WNK2: variants seen among roughly 807,000 people sequenced by gnomAD.
WNK2 encodes serine/threonine-protein kinase WNK2.
Under a neutral mutation model 192.1 loss-of-function variants are expected in WNK2, and 67 were observed. That is an observed-to-expected ratio of 0.35 (90% CI 0.29 to 0.43). The LOEUF (loss-of-function observed/expected upper bound fraction) is 0.43. WNK2 is among the 20% of genes least tolerant of loss of function. The probability of loss-of-function intolerance (pLI) is 1.00; values close to 1 mark genes in which losing one functional copy is unlikely to be tolerated. For missense variants in WNK2, 2,698 were observed against 3,089.7 expected (o/e 0.87, Z 3.01); for synonymous variants, 1,439 against 1,393.9 (o/e 1.03, Z -0.72).
At chr9:93,222,197 C>T (rs2131825468) in intron 2 of WNK2, among the ~76,000 whole-genome samples, 1 of 152,138 alleles carries the variant, frequency 6.6e-6, no homozygotes, top group South Asian at 2.1e-4. Flanking sequence ...GAGGCAGGGT[C>T]TTGCTCTGTG....
intron 2 of WNK2, among the ~76,000 whole-genome samples, chr9:93,215,330 G>A (rs1248623712): frequency 1.3e-4 from 20 of 152,048 alleles, no homozygotes; most frequent in African/African-American, 1.9e-4. Flanking sequence ...GGCTGGTCTC[G>A]AACTCCTGAC....
intron 7 of WNK2, among the ~76,000 whole-genome samples, chr9:93,245,730 C>T (rs1841569748): frequency 6.6e-6 from 1 of 152,208 alleles, no homozygotes; most frequent in South Asian, 2.1e-4. Flanking sequence ...CTCAATGGGT[C>T]CTGCTCCACA....
At chr9:93,273,005 T>G (rs1031992739) in intron 19 of WNK2, among the ~76,000 whole-genome samples, 2 of 152,138 alleles carry the variant, frequency 1.3e-5, no homozygotes, top group Non-Finnish European at 2.9e-5. Flanking sequence ...ACAATACTGA[T>G]GAACTGAAAG....
At position 93,266,945 on chromosome 9, in the gene WNK2, T is replaced by A. The variant is rs1319827187; in HGVS notation, c.3697-801T>A. 3.3e-5 allele frequency: 5 copies of A among 152,266 alleles called. No individual in the cohort carries two copies. In the East Asian group the frequency reaches 9.6e-4, roughly 29 times the overall value. The allele number at this position is 152,266 out of a possible 1,614,324, so 9.4% of individuals were successfully genotyped here. A position where few individuals can be genotyped will look rare whatever the true frequency, so the allele number is the denominator to read the frequency against. Reference sequence around the variant, plus strand: ...CACTGGGTGGTGGCACAGGCTGACCTCTTCCATTGGTTATGGTTTTATGAG... The same window carrying A: ...CACTGGGTGGTGGCACAGGCTGACCACTTCCATTGGTTATGGTTTTATGAG... On this transcript the variant is annotated intron_variant, in intron 16 of 29. Transcript: ENST00000427277.
chr9:93,320,420 C>T lies in WNK2; in HGVS notation c.*28C>T, dbSNP rs770245692. On this transcript the variant is annotated 3_prime_UTR_variant, in exon 30 of 30. Coordinates refer to ENST00000427277, the MANE Select transcript of WNK2 (RefSeq NM_006648.4). ...CCGCCTAGACGCCAGGCCCACTTCACGCCGTCTAAGTGGAGAAGTGACGGA... is the reference window on the plus strand; with the variant it reads ...CCGCCTAGACGCCAGGCCCACTTCATGCCGTCTAAGTGGAGAAGTGACGGA... 8.8e-6 allele frequency: 12 copies of T among 1,367,536 alleles called. No individual in the cohort carries two copies. Among genetic ancestry groups the T allele is most frequent in the South Asian group, 2.3e-5 (2 of 88,060 alleles). The allele number at this position is 1,367,536 out of a possible 1,614,324, so 84.7% of individuals were successfully genotyped here. A position where few individuals can be genotyped will look rare whatever the true frequency, so the allele number is the denominator to read the frequency against.
intron 2 of WNK2, among the ~76,000 whole-genome samples, chr9:93,225,968 C>T (rs1344568228): frequency 6.7e-6 from 1 of 150,374 alleles, no homozygotes; most frequent in Non-Finnish European, 1.5e-5. Flanking sequence ...GTTGTGGAAA[C>T]ATTTCTTCCA....
chr9:93,238,161 C>A, intron 5 of WNK2, 72 bp from the exon 6 acceptor site: 1 of 1,351,888 alleles, frequency 7.4e-7, no homozygotes, highest in Non-Finnish European at 1.1e-6. Flanking sequence ...AGTGGGAGTT[C>A]CTCCCACTGT....
chr9:93,193,973 C>T (rs1391532018), intron 2 of WNK2, among the ~76,000 whole-genome samples: 3 of 152,256 alleles, frequency 2.0e-5, no homozygotes, highest in African/African-American at 2.4e-5. Context: ...GTCAACTGAT[C>T]TCTGACAAAG....
rs1049789138 is a variant in WNK2, at chr9:93,239,484, T to C, written c.1323-273T>C. Reference sequence around the variant, plus strand: ...TGCATAATGGGAGGCCTAATGTTTTTCCAAATCCTCTTTTGTATCATTGAA... The same window carrying C: ...TGCATAATGGGAGGCCTAATGTTTTCCCAAATCCTCTTTTGTATCATTGAA... On this transcript the variant is annotated intron_variant, in intron 6 of 29. Coordinates refer to ENST00000427277, the MANE Select transcript of WNK2 (RefSeq NM_006648.4). This position sits in a 1 kb window ranked among gnomAD's most constrained non-coding sequence, Gnocchi z 4.2. 2.0e-5 allele frequency among the ~76,000 whole-genome samples: 3 copies of C among 152,228 alleles called. No individual in the cohort carries two copies. Among genetic ancestry groups the C allele is most frequent in the African/African-American group, 7.2e-5 (3 of 41,472 alleles).
At chr9:93,223,676 C>T (rs982330061) in intron 2 of WNK2, among the ~76,000 whole-genome samples, 4 of 152,210 alleles carry the variant, frequency 2.6e-5, no homozygotes, top group Admixed American at 6.5e-5. Context: ...ACCCTCTCTC[C>T]ACTTTGTGGT....
At chr9:93,264,163 G>A in intron 16 of WNK2, 130 bp downstream of exon 16, 1 of 699,538 alleles carries the variant, frequency 1.4e-6, no homozygotes, top group Non-Finnish European at 2.5e-6. Flanking sequence ...GGCTTTTCGG[G>A]ACAGTGCTGA....
At position 93,259,387 on chromosome 9, in the gene WNK2, C is replaced by A; in HGVS notation, c.2839C>A (p.Gln947Lys). 5 of 1,608,646 alleles carry A rather than the reference C, an allele frequency of 3.1e-6. No homozygotes were observed. Among genetic ancestry groups the A allele is most frequent in the Middle Eastern group, 1.7e-4 (1 of 6,060 alleles). The change falls in exon 12 of 30, where the codon CAA becomes AAA. Residue 947 changes from glutamine (Q) to lysine (K), a missense_variant. Transcript: ENST00000427277. This position sits in a 1 kb window ranked among gnomAD's most constrained non-coding sequence, Gnocchi z 4.8. ...ATPPQPALPPQPTLPPQPVLP... is the reference protein window; with the variant it reads ...ATPPQPALPPKPTLPPQPVLP... ...CCCTCCACAGCCGGCACTGCCTCCA[C>A]AACCCACACTGCCCCCACAACCCGT...
chr9:93,299,356 C>G, intron 25 of WNK2, 95 bp downstream of exon 25: 1 of 1,303,312 alleles, frequency 7.7e-7, no homozygotes, highest in Non-Finnish European at 1.0e-6. Context: ...AGAGGGGTTG[C>G]AAGCTGTGGC....
In WNK2 at chr9:93,185,193, C is replaced by A. The variant is rs1037400574; in HGVS notation, c.264C>A (p.Arg88=). The A allele has an allele frequency of 4.3e-6, 5 of 1,161,750 alleles. No homozygotes were observed. In the African/African-American group the frequency reaches 6.5e-5, roughly 15 times the overall value. 72.0% of individuals were successfully genotyped at this position (1,161,750 alleles called of 1,614,324 possible). The change falls in exon 2 of 30, where the codon CGC becomes CGA. Residue 88 remains arginine (R), a synonymous_variant. Coordinates refer to ENST00000427277, the MANE Select transcript of WNK2 (RefSeq NM_006648.4). ...AGACGCGCCGCCTCATCGCGGAGCG[C>A]GCCCGCGGACGCCCCGCCGCCCCCG... ...LCKTRRLIAE[R]ARGRPAAPAP...
In WNK2 at chr9:93,229,334, T is replaced by G. The variant is rs1838343676; in HGVS notation, c.682-362T>G. On this transcript the variant is annotated intron_variant, in intron 2 of 29. Coordinates refer to ENST00000427277, the MANE Select transcript of WNK2 (RefSeq NM_006648.4). The surrounding 1 kb of genome is among the most constrained non-coding windows in gnomAD (Gnocchi z 4.9). ...AGTTGTGTATACGTTAGAAGTAAAC[T>G]GATGATCCATTCTTTTCACAAACAC... Among the ~76,000 whole-genome samples, 1 of 152,224 alleles carries G rather than the reference T, an allele frequency of 6.6e-6. No individual in the cohort carries two copies. The highest frequency in any genetic ancestry group is 2.4e-5 in the African/African-American group (1 of 41,436).
chr9:93,229,917 G>C lies in WNK2; in HGVS notation c.854+49G>C, dbSNP rs373735051. Reference sequence around the variant, plus strand: ...GGGGCGGGTCCTGGCATGGGTGCAGGGCTACCATAGCTGAGGGTGAGGTCT... The same window carrying C: ...GGGGCGGGTCCTGGCATGGGTGCAGCGCTACCATAGCTGAGGGTGAGGTCT... On this transcript the variant is annotated intron_variant, in intron 3 of 29. Coordinates refer to ENST00000427277, the MANE Select transcript of WNK2 (RefSeq NM_006648.4). The surrounding 1 kb of genome is among the most constrained non-coding windows in gnomAD (Gnocchi z 4.9). The C allele has an allele frequency of 7.8e-5, 124 of 1,589,590 alleles. No homozygotes were observed. Among genetic ancestry groups the C allele is most frequent in the Non-Finnish European group, 1.0e-4 (120 of 1,165,928 alleles).
chr9:93,191,730 T>C (rs1830364192), intron 2 of WNK2, among the ~76,000 whole-genome samples: 1 of 151,660 alleles, frequency 6.6e-6, no homozygotes, highest in Non-Finnish European at 1.5e-5. Context: ...GATCTGAAGG[T>C]AGAGAAGGTA....
chr9:93,200,792 G>A (rs1181233654), intron 2 of WNK2, among the ~76,000 whole-genome samples: 2 of 152,100 alleles, frequency 1.3e-5, no homozygotes, highest in Admixed American at 6.5e-5. Flanking sequence ...GTAAAAAGAG[G>A]GTTTAAAAGG....
In WNK2 at chr9:93,239,684, C is replaced by A; in HGVS notation, c.1323-73C>A. On this transcript the variant is annotated intron_variant, in intron 6 of 29. Coordinates refer to ENST00000427277, the MANE Select transcript of WNK2 (RefSeq NM_006648.4). The surrounding 1 kb of genome is among the most constrained non-coding windows in gnomAD (Gnocchi z 4.2). ...AGGTGTGCCTGTCCTTGTCCTGGTG[C>A]GCATGGACACAGGAGCCTGGGCATG... 1 of 1,358,866 alleles carries A rather than the reference C, an allele frequency of 7.4e-7. No homozygotes were observed. The highest frequency in any genetic ancestry group is 1.0e-6 in the Non-Finnish European group (1 of 988,258). The allele number at this position is 1,358,866 out of a possible 1,614,324, so 84.2% of individuals were successfully genotyped here.
Sources: gnomAD v4.1 joint callset for allele counts (sites outside exome capture counted in the v4.1 genomes callset) on GRCh38, gnomAD v4.1.1 for gene constraint, Gnocchi (gnomAD v3.1) non-coding constraint, MANE v1.5 for transcripts, NCBI Gene and HGNC (gene_info 2026-07-23, HGNC 2026-07-21) for gene names.